The following PPFIA1 variants were observed in gnomAD, a reference collection of about 807,000 sequenced individuals.
PPFIA1 encodes the protein PPFI scaffold protein A1.
PPFIA1 carries 25 observed loss-of-function variants against 149.9 expected under a neutral mutation model. That is an observed-to-expected ratio of 0.17 (90% confidence interval 0.12 to 0.23). The LOEUF is 0.23. Ranked by LOEUF, PPFIA1 falls within the 10% of genes least tolerant of loss-of-function variation. The pLI, the probability that PPFIA1 is intolerant of heterozygous loss-of-function variation, is 1.00. For synonymous variants in PPFIA1, 549 were observed against 552.8 expected (o/e 0.99, Z 0.10); for missense variants, 1,362 against 1,506.5 (o/e 0.90, Z 1.59).
At chr11:70,328,474 T>G (rs982573971) in intron 7 of PPFIA1, among the ~76,000 whole-genome samples, 1 of 152,240 alleles carries the variant, frequency 6.6e-6, no homozygotes, top group African/African-American at 2.4e-5. Context: ...TTATGGAGTC[T>G]ATCATTGATG....
intron 2 of PPFIA1, among the ~76,000 whole-genome samples, chr11:70,273,067 C>G (rs1394168886): frequency 6.6e-6 from 1 of 152,166 alleles, no homozygotes; most frequent in African/African-American, 2.4e-5. Flanking sequence ...CACCTGAGGT[C>G]AGGAGTTTGA....
chr11:70,310,065 G>T (rs1424227992), intron 2 of PPFIA1, among the ~76,000 whole-genome samples: 1 of 152,126 alleles, frequency 6.6e-6, no homozygotes, highest in East Asian at 1.9e-4. Context: ...TAAATTTTTT[G>T]AATGTATATT....
At chr11:70,344,636 G>A (rs897918407) in intron 15 of PPFIA1, among the ~76,000 whole-genome samples, 2 of 152,226 alleles carry the variant, frequency 1.3e-5, no homozygotes, top group Admixed American at 6.5e-5. Flanking sequence ...CTGTTCAGCA[G>A]CGTTTGTTTC....
intron 7 of PPFIA1, 52 bp from the exon 8 acceptor site, chr11:70,330,121 G>A (rs1751459338): frequency 2.0e-6 from 3 of 1,465,194 alleles, no homozygotes; most frequent in Non-Finnish European, 2.8e-6. Context: ...GTATCTTAAT[G>A]TGTAATCGTT....
rs531265618 is a variant in PPFIA1, at chr11:70,295,778, C to T, written c.264+23342C>T. ...CTCCCAGACGGGACGGCTGGCCTGGCGGGCTGACCCCCACCTCCCTCCTGG... is the reference window on the plus strand; with the variant it reads ...CTCCCAGACGGGACGGCTGGCCTGGTGGGCTGACCCCCACCTCCCTCCTGG... On this transcript the variant is annotated intron_variant, in intron 2 of 27. Coordinates refer to ENST00000253925, the MANE Select transcript of PPFIA1 (RefSeq NM_003626.5). Among the ~76,000 whole-genome samples, 9 of 147,268 alleles carry T rather than the reference C, an allele frequency of 6.1e-5. No homozygotes were observed. The East Asian group carries it at 8.7e-4, about 14-fold the overall frequency.
chr11:70,295,618 T>C (rs2051908048), intron 2 of PPFIA1, among the ~76,000 whole-genome samples: 1 of 125,054 alleles, frequency 8.0e-6, no homozygotes, highest in Non-Finnish European at 1.6e-5. Flanking sequence ...GCTCCTCACT[T>C]CCCAGTAGGG....
chr11:70,349,293 G>A (rs1050915920), intron 16 of PPFIA1, among the ~76,000 whole-genome samples: 5 of 152,054 alleles, frequency 3.3e-5, no homozygotes, highest in Non-Finnish European at 7.4e-5. Flanking sequence ...TGACCTTCTG[G>A]TGTTTGGTGT....
At chr11:70,332,972 C>T (rs766178661) in intron 9 of PPFIA1, 18 of 449,768 alleles carry the variant, frequency 4.0e-5, no homozygotes, top group Non-Finnish European at 5.4e-5. Context: ...TTTAAAGTCT[C>T]GATTTCTTTT....
At chr11:70,354,090 C>T (rs973140844) in intron 16 of PPFIA1, 1 of 517,468 alleles carries the variant, frequency 1.9e-6, no homozygotes. Context: ...TGGGCCCCAG[C>T]GCACGCTCGT....
At chr11:70,293,443 A>G (rs2051674369) in intron 2 of PPFIA1, among the ~76,000 whole-genome samples, 1 of 152,208 alleles carries the variant, frequency 6.6e-6, no homozygotes, top group Admixed American at 6.5e-5. Flanking sequence ...TATTTTGATG[A>G]TTACTTGAAA....
chr11:70,337,249 G>A (rs917165043), intron 11 of PPFIA1, 116 bp from the exon 12 acceptor site: 11 of 639,550 alleles, frequency 1.7e-5, no homozygotes, highest in Non-Finnish European at 2.8e-5. Context: ...TTGCTGGTGT[G>A]CTCTTTTACT....
intron 5 of PPFIA1, among the ~76,000 whole-genome samples, chr11:70,326,047 A>G (rs1483058573): frequency 2.0e-5 from 3 of 152,208 alleles, no homozygotes; most frequent in African/African-American, 7.2e-5. Context: ...GGACTACAAA[A>G]TGATGGTTAC....
chr11:70,292,253 G>A (rs1454260151), intron 2 of PPFIA1, among the ~76,000 whole-genome samples: 2 of 152,218 alleles, frequency 1.3e-5, no homozygotes, highest in African/African-American at 4.8e-5. Context: ...CAAAGTGCTG[G>A]AATCACACAT....
In PPFIA1 at chr11:70,355,644, C is replaced by G. The variant is rs758864898; in HGVS notation, c.2321C>G (p.Thr774Arg). The G allele has an allele frequency of 6.3e-7, 1 of 1,599,112 alleles. No individual in the cohort carries two copies. Among genetic ancestry groups the G allele is most frequent in the Non-Finnish European group, 8.5e-7 (1 of 1,175,766 alleles). The change falls in exon 18 of 28, where the codon ACA becomes AGA. Residue 774 changes from threonine to arginine, a missense_variant. By Grantham distance (71) the Thr-to-Arg change is moderately conservative (BLOSUM62 -1). Transcript: ENST00000253925. ...HEDIRDIRNS[T>R]GSQDGPVSNP... Reference sequence around the variant, plus strand: ...TCCGTTTTCTTTCCTCGAAGCTCCACAGGCTCCCAGGATGGTCCCGTGAGC... The same window carrying G: ...TCCGTTTTCTTTCCTCGAAGCTCCAGAGGCTCCCAGGATGGTCCCGTGAGC...
chr11:70,375,178 CT>C (rs1383229791), intron 24 of PPFIA1, 85 bp downstream of exon 24: 4,203 of 125,294 alleles, frequency 0.034, 225 homozygotes, highest in African/African-American at 0.22. Context: ...TAGAAAGAAA[CT>C]TTAAAAAAAA....
chr11:70,314,603 CT>C (rs1419438473), intron 2 of PPFIA1, among the ~76,000 whole-genome samples: 2 of 152,058 alleles, frequency 1.3e-5, no homozygotes, highest in African/African-American at 4.8e-5. Flanking sequence ...TATATTTTAT[CT>C]TATATATACT....
At chr11:70,279,154 C>T (rs961204055) in intron 2 of PPFIA1, 3 of 540,928 alleles carry the variant, frequency 5.5e-6, no homozygotes, top group African/African-American at 2.0e-5. Context: ...GCGGCAGTCG[C>T]GCCCACACGT....
At chr11:70,312,525 G>A (rs1485904228) in intron 2 of PPFIA1, among the ~76,000 whole-genome samples, 1 of 152,094 alleles carries the variant, frequency 6.6e-6, no homozygotes, top group Non-Finnish European at 1.5e-5. Context: ...ATACTTCCTG[G>A]TTCCCCCTAC....
chr11:70,309,167 C>A lies in PPFIA1; in HGVS notation c.265-15235C>A, dbSNP rs146684949. On this transcript the variant is annotated intron_variant, in intron 2 of 27. Coordinates refer to ENST00000253925, the MANE Select transcript of PPFIA1 (RefSeq NM_003626.5). ...ATATTTCAGGTTGTTTTGAAACATA[C>A]ATGCTAACTTTTTTTTTTTTGAAAT... Among the ~76,000 whole-genome samples the A allele has an allele frequency of 5.4e-3, 813 of 151,876 alleles. 6 individuals are homozygous for A. Among genetic ancestry groups the A allele is most frequent in the African/African-American group, 0.018 (745 of 41,404 alleles).
Sources: allele counts gnomAD v4.1 joint callset (sites outside exome capture counted in the v4.1 genomes callset), GRCh38; gene constraint gnomAD v4.1.1; transcripts MANE v1.5; gene names NCBI Gene and HGNC (gene_info 2026-07-23, HGNC 2026-07-21).